The following GOLGA6B variants were observed in gnomAD, a reference collection of about 807,000 sequenced individuals.
The protein encoded by GOLGA6B is golgin A6 family member B.
Under a neutral mutation model 63.0 loss-of-function variants are expected in GOLGA6B, and 11 were observed. That is an observed-to-expected ratio of 0.17 (90% CI 0.11 to 0.29). The LOEUF is 0.29. GOLGA6B is among the 10% of genes least tolerant of loss of function. The probability of loss-of-function intolerance (pLI) is 1.00; values close to 1 mark genes in which losing one functional copy is unlikely to be tolerated. For synonymous variants in GOLGA6B, 46 were observed against 232.6 expected (o/e 0.20, Z 7.30); for missense variants, 134 against 563.8 (o/e 0.24, Z 7.72).
At chr15:72,663,914 A>C (rs1398580994) in intron 12 of GOLGA6B, among the ~76,000 whole-genome samples, 3 of 130,230 alleles carry the variant, frequency 2.3e-5, no homozygotes, top group Non-Finnish European at 5.2e-5. Context: ...TCTGTGGCCT[A>C]CAGTTTAAAT....
rs778378233 is a variant in GOLGA6B, at chr15:72,665,580, A to ATG, written c.1594-15_1594-14insGT. 599 of 528,164 alleles carry ATG rather than the reference A, an allele frequency of 1.1e-3. No individual in the cohort carries two copies. The highest frequency in any genetic ancestry group is 1.4e-3 in the Non-Finnish European group (430 of 304,646). The allele number at this position is 528,164 out of a possible 1,614,324, so 32.7% of individuals were successfully genotyped here. A position where few individuals can be genotyped will look rare whatever the true frequency, so the allele number is the denominator to read the frequency against. On this transcript the variant is annotated splice_polypyrimidine_tract_variant and intron_variant, in intron 14 of 17. Coordinates refer to ENST00000421285, the MANE Select transcript of GOLGA6B (RefSeq NM_018652.5). ...CAGGTCACTCCCGAGATGTGACCCCATTATTTTGGCTCCAGAGCAGCTTTA... is the reference window on the plus strand; with the variant it reads ...CAGGTCACTCCCGAGATGTGACCCCATGTTATTTTGGCTCCAGAGCAGCTTTA...
chr15:72,669,380 T>A lies in GOLGA6B; in HGVS notation c.*3038T>A, dbSNP rs924548893. Among the ~76,000 whole-genome samples, 4 of 151,796 alleles carry A rather than the reference T, an allele frequency of 2.6e-5. No individual in the cohort carries two copies. Among genetic ancestry groups the A allele is most frequent in the Non-Finnish European group, 4.4e-5 (3 of 67,838 alleles). Reference sequence around the variant, plus strand: ...CACTTTAAAATATGAATACTGTAGTTTGAAAGAAAGAAACTGGGGGAAGGA... The same window carrying A: ...CACTTTAAAATATGAATACTGTAGTATGAAAGAAAGAAACTGGGGGAAGGA... On this transcript the variant is annotated 3_prime_UTR_variant, in exon 18 of 18. Coordinates refer to ENST00000421285, the MANE Select transcript of GOLGA6B (RefSeq NM_018652.5).
chr15:72,662,039 C>T (rs371601872), intron 10 of GOLGA6B, among the ~76,000 whole-genome samples, 193 bp downstream of exon 10: 71 of 78,296 alleles, frequency 9.1e-4, no homozygotes, highest in East Asian at 2.4e-3. Flanking sequence ...GAGGAGTGCC[C>T]GTTGTCAGCC....
At chr15:72,666,166 CA>C in intron 17 of GOLGA6B, 38 bp downstream of exon 17, 1 of 1,604,086 alleles carries the variant, frequency 6.2e-7, no homozygotes, top group South Asian at 1.1e-5. Flanking sequence ...CAGGCAGGGG[CA>C]GGGGAGGCTC....
rs1208008651 is a variant in GOLGA6B, at chr15:72,667,502, G to A, written c.*1160G>A. The stretch of plus-strand genomic sequence containing the variant: ...CAAGAATGAATTCGAGTGAAGGAAA[G>A]CTGTGTGACACCTGGCCTTCCTCTA... On this transcript the variant is annotated 3_prime_UTR_variant, in exon 18 of 18. Coordinates refer to ENST00000421285, the MANE Select transcript of GOLGA6B (RefSeq NM_018652.5). Among the ~76,000 whole-genome samples the A allele has an allele frequency of 5.4e-5, 8 of 147,980 alleles. No individual in the cohort carries two copies. In the East Asian group the frequency reaches 6.1e-4, roughly 11 times the overall value.
At chr15:72,661,183 T>G in intron 7 of GOLGA6B, 81 bp from the exon 8 acceptor site, 1 of 1,504,002 alleles carries the variant, frequency 6.6e-7, no homozygotes, top group East Asian at 2.2e-5. Context: ...GACCGAGTTG[T>G]ATATTGAGCC....
chr15:72,661,222 C>G (rs1466291737), intron 7 of GOLGA6B, 42 bp from the exon 8 acceptor site: 1 of 1,609,986 alleles, frequency 6.2e-7, no homozygotes, highest in East Asian at 2.2e-5. Context: ...GGGGCACTGC[C>G]TGAGCTCCCC....
In GOLGA6B at chr15:72,666,244, G is replaced by A. The variant is rs753300485; in HGVS notation, c.1984G>A (p.Val662Met). 32 of 1,604,800 alleles carry A rather than the reference G, an allele frequency of 2.0e-5. 1 individual carries two copies. The highest frequency in any genetic ancestry group is 1.4e-4 in the East Asian group (6 of 44,332). ...TTATGAAGTGAGCCTGGACAACAAC[G>A]TGGAGCCTGCACCAGGAGCGGCCAG... ...DFYEVSLDNN[V>M]EPAPGAAREG... The change falls in exon 18 of 18, where the codon GTG becomes ATG. Residue 662 changes from valine (V) to methionine (M), a missense_variant. Val to Met is a conservative substitution (Grantham distance 21, BLOSUM62 1). Transcript: ENST00000421285.
At position 72,668,066 on chromosome 15, in the gene GOLGA6B, TG is replaced by T. The variant is rs1323145729; in HGVS notation, c.*1725del. Among the ~76,000 whole-genome samples the T allele has an allele frequency of 9.1e-6, 1 of 109,296 alleles. No homozygotes were observed. Among genetic ancestry groups the T allele is most frequent in the African/African-American group, 3.6e-5 (1 of 27,708 alleles). 71.7% of individuals were successfully genotyped at this position (109,296 alleles called of 152,430 possible). ...CAGCTAAAAGTTCATGAAGTTCTAA[TG>T]TCTGTGTTCCAAAATACGTCACAGT... On this transcript the variant is annotated 3_prime_UTR_variant, in exon 18 of 18. Transcript: ENST00000421285.
Position 72,664,446 on chromosome 15 carries a change from A to C in GOLGA6B, c.1436A>C (p.Glu479Ala). 1 of 1,326,090 alleles carries C rather than the reference A, an allele frequency of 7.5e-7. No individual in the cohort carries two copies. Among genetic ancestry groups the C allele is most frequent in the Non-Finnish European group, 1.0e-6 (1 of 965,456 alleles). The allele number at this position is 1,326,090 out of a possible 1,614,324, so 82.1% of individuals were successfully genotyped here. ...TTCCCGTCCCCTTAGGAGCACCTAG[A>C]AGCTGCCAGCCAGCAGAACCAACAG... is the stretch of plus-strand genomic sequence containing the variant. ...LQEKLDEEHL[E>A]AASQQNQQLE... Residue 479 changes from glutamate (E) to alanine (A), a missense_variant, in exon 13 of 18, where the codon GAA (glutamate) becomes GCA (alanine). Glu to Ala is a moderately radical substitution (Grantham distance 107, BLOSUM62 -1). Coordinates refer to ENST00000421285, the MANE Select transcript of GOLGA6B (RefSeq NM_018652.5).
intron 13 of GOLGA6B, 38 bp downstream of exon 13, chr15:72,664,549 A>C: frequency 7.9e-7 from 1 of 1,258,770 alleles, no homozygotes; most frequent in Non-Finnish European, 1.1e-6. Context: ...AGAGAGCCCC[A>C]GGAGGAAGGG....
rs1291740255 is a variant in GOLGA6B at position 72,666,935 on chromosome 15, T to TA, written c.*594dup. 7.6e-6 allele frequency among the ~76,000 whole-genome samples: 1 copy of TA among 132,326 alleles called. No individual in the cohort carries two copies. Among genetic ancestry groups the TA allele is most frequent in the Non-Finnish European group, 1.6e-5 (1 of 62,934 alleles). 86.8% of individuals were successfully genotyped at this position (132,326 alleles called of 152,430 possible). A position where few individuals can be genotyped will look rare whatever the true frequency, so the allele number is the denominator to read the frequency against. On this transcript the variant is annotated 3_prime_UTR_variant, in exon 18 of 18. Coordinates refer to ENST00000421285, the MANE Select transcript of GOLGA6B (RefSeq NM_018652.5). The stretch of plus-strand genomic sequence containing the variant: ...TTACTTTGTAATATGCCACTGTGAG[T>TA]ACTGACATTTAGAGTTGTTTAAAGG...
In GOLGA6B at chr15:72,663,995, C is replaced by G. The variant is rs2064616836; in HGVS notation, c.1426-441C>G. On this transcript the variant is annotated intron_variant, in intron 12 of 17. Coordinates refer to ENST00000421285, the MANE Select transcript of GOLGA6B (RefSeq NM_018652.5). Reference sequence around the variant, plus strand: ...GGGTTCTAGGCAAGAGAGGAAGCCTCTTAGGCCTGGAGCAAGGGACCAGGG... The same window carrying G: ...GGGTTCTAGGCAAGAGAGGAAGCCTGTTAGGCCTGGAGCAAGGGACCAGGG... Among the ~76,000 whole-genome samples, 2 of 130,050 alleles carry G rather than the reference C, an allele frequency of 1.5e-5. 1 individual carries two copies. The highest frequency in any genetic ancestry group is 5.6e-4 in the South Asian group (2 of 3,552). The allele number at this position is 130,050 out of a possible 152,430, so 85.3% of individuals were successfully genotyped here.
chr15:72,657,449 A>G (rs1198961366), intron 2 of GOLGA6B, among the ~76,000 whole-genome samples: 1 of 150,252 alleles, frequency 6.7e-6, no homozygotes, highest in East Asian at 2.0e-4. Flanking sequence ...ATTTGGAAGA[A>G]TGGCACAGGC....
Position 72,666,327 on chromosome 15 carries a change from C to T in GOLGA6B, c.2067C>T (p.Val689=). Residue 689 remains valine (V), a synonymous_variant, in exon 18 of 18, where the codon GTC becomes GTT. Transcript: ENST00000421285. ...AGCAGATCGTGCAGCTGTCTCCTGTCATGCAGGACACCTAGGAGCACCCAG... is the reference window on the plus strand; with the variant it reads ...AGCAGATCGTGCAGCTGTCTCCTGTTATGCAGGACACCTAGGAGCACCCAG... ...TVQQIVQLSP[V]MQDT 6.5e-7 allele frequency: 1 copy of T among 1,546,948 alleles called. No homozygotes were observed. The highest frequency in any genetic ancestry group is 1.6e-5 in the African/African-American group (1 of 63,432).
Sources: allele counts gnomAD v4.1 joint callset (sites outside exome capture counted in the v4.1 genomes callset), GRCh38; gene constraint gnomAD v4.1.1; transcripts MANE v1.5; gene names NCBI Gene and HGNC (gene_info 2026-07-23, HGNC 2026-07-21).